The following POU2AF2 variants were observed in gnomAD, a reference collection of about 807,000 sequenced individuals.
POU2AF2 encodes POU class 2 homeobox associating factor 2, also known as POU domain class 2-associating factor 2.
chr11:111,280,057 A>AATATATATATATATATATATATAT, the POU2AF2 span, among the ~76,000 whole-genome samples: 44 of 76,470 alleles, frequency 5.8e-4, no homozygotes, highest in Non-Finnish European at 8.9e-4. Flanking sequence ...AAAAAAAAAA[A>AATATATATATATATATATATATAT]ATATATATAT....
At chr11:111,264,365 G>A in the POU2AF2 span, among the ~76,000 whole-genome samples, 1 of 151,788 alleles carries the variant, frequency 6.6e-6, no homozygotes, top group Non-Finnish European at 1.5e-5. Context: ...GCATGGTGGT[G>A]TGCACCTGTA....
At chr11:111,270,855 G>C in the POU2AF2 span, among the ~76,000 whole-genome samples, 1 of 152,086 alleles carries the variant, frequency 6.6e-6, no homozygotes, top group Non-Finnish European at 1.5e-5. Context: ...GAGTAGAAAT[G>C]GCACCTGCTG....
chr11:111,283,920 T>G, the POU2AF2 span, among the ~76,000 whole-genome samples: 1 of 152,188 alleles, frequency 6.6e-6, no homozygotes, highest in Non-Finnish European at 1.5e-5. Flanking sequence ...TGCAGGAATA[T>G]TTCACGCTTT....
chr11:111,254,632 T>A, the POU2AF2 span, among the ~76,000 whole-genome samples: 1 of 152,222 alleles, frequency 6.6e-6, no homozygotes, highest in Non-Finnish European at 1.5e-5. Context: ...TTTTCTCCAA[T>A]GCACCATACT....
At chr11:111,260,240 T>G in the POU2AF2 span, among the ~76,000 whole-genome samples, 1 of 152,148 alleles carries the variant, frequency 6.6e-6, no homozygotes, top group Non-Finnish European at 1.5e-5. Flanking sequence ...GAGAAGTCAT[T>G]CATTAGACAT....
chr11:111,263,007 T>C, the POU2AF2 span, among the ~76,000 whole-genome samples: 1 of 152,194 alleles, frequency 6.6e-6, no homozygotes, highest in African/African-American at 2.4e-5. Flanking sequence ...CAAATCATTA[T>C]TACTTACTGA....
At chr11:111,284,026 G>T in the POU2AF2 span, 1 of 1,569,128 alleles carries the variant, frequency 6.4e-7, no homozygotes, top group South Asian at 1.2e-5. Context: ...CCGAGGCCTT[G>T]ACCGCCCTGG....
chr11:111,263,617 G>A, the POU2AF2 span, among the ~76,000 whole-genome samples: 1 of 151,926 alleles, frequency 6.6e-6, no homozygotes, highest in Non-Finnish European at 1.5e-5. Flanking sequence ...ATTTTTAGTA[G>A]AGACAGGGTT....
the POU2AF2 span, chr11:111,285,905 A>T: frequency 6.2e-7 from 1 of 1,613,546 alleles, no homozygotes; most frequent in Non-Finnish European, 8.5e-7. Context: ...CACCCCTTTC[A>T]TGACGGTGTC....
chr11:111,252,259 C>A, the POU2AF2 span, among the ~76,000 whole-genome samples: 4 of 152,096 alleles, frequency 2.6e-5, no homozygotes, highest in Non-Finnish European at 4.4e-5. Flanking sequence ...TCCACAGGAA[C>A]CTTCTAAAGG....
chr11:111,257,737 G>A, the POU2AF2 span, among the ~76,000 whole-genome samples: 2 of 152,220 alleles, frequency 1.3e-5, no homozygotes, highest in Non-Finnish European at 2.9e-5. Flanking sequence ...ATCTGCTACA[G>A]AGAAGTCTGA....
chr11:111,286,040 C>T, the POU2AF2 span: 12 of 1,611,524 alleles, frequency 7.4e-6, no homozygotes, highest in South Asian at 5.5e-5. Context: ...ATATGAATGC[C>T]GCAGAGCTTA....
the POU2AF2 span, among the ~76,000 whole-genome samples, chr11:111,264,551 A>G: frequency 2.2e-4 from 16 of 72,518 alleles, 2 homozygotes; most frequent in African/African-American, 7.6e-4. Flanking sequence ...AAAGAAAGAA[A>G]GAAAGAAAGA....
chr11:111,262,754 C>T, the POU2AF2 span, among the ~76,000 whole-genome samples: 8 of 152,234 alleles, frequency 5.3e-5, no homozygotes, highest in African/African-American at 9.6e-5. Context: ...TTGGGCCATG[C>T]GTCTAAGATT....
chr11:111,276,454 ATATATATATATAT>A, the POU2AF2 span, among the ~76,000 whole-genome samples: 20 of 19,072 alleles, frequency 1.0e-3, no homozygotes, highest in South Asian at 2.8e-3. Context: ...AAAAAAAAAA[ATATATATATATAT>A]ATATATATAT....
At chr11:111,268,671 C>T in the POU2AF2 span, among the ~76,000 whole-genome samples, 2 of 151,700 alleles carry the variant, frequency 1.3e-5, no homozygotes, top group African/African-American at 4.8e-5. Context: ...GTAGCTGGGA[C>T]TACAGGCACA....
chr11:111,284,709 C>G, the POU2AF2 span, among the ~76,000 whole-genome samples: 2 of 152,196 alleles, frequency 1.3e-5, no homozygotes, highest in African/African-American at 4.8e-5. Flanking sequence ...TTCCTGCAGC[C>G]CCTAAGGAAG....
At chr11:111,275,348 G>T in the POU2AF2 span, among the ~76,000 whole-genome samples, 3 of 152,138 alleles carry the variant, frequency 2.0e-5, no homozygotes, top group Non-Finnish European at 4.4e-5. Context: ...GATTGAAAAA[G>T]GGTTTGAGCA....
chr11:111,255,847 A>G, the POU2AF2 span: 1 of 395,066 alleles, frequency 2.5e-6, no homozygotes, highest in Non-Finnish European at 4.5e-6. Flanking sequence ...ACTCTATCAA[A>G]GCCACTTCAA....
Sources: allele counts gnomAD v4.1 joint callset (sites outside exome capture counted in the v4.1 genomes callset), GRCh38; gene constraint gnomAD v4.1.1; transcripts MANE v1.5; gene names NCBI Gene and HGNC (gene_info 2026-07-23, HGNC 2026-07-21).